AKAIN1: variants seen among roughly 807,000 people sequenced by gnomAD.
AKAIN1 encodes A-kinase anchor inhibitor 1.
Under a neutral mutation model 3.7 loss-of-function variants are expected in AKAIN1, and 3 were observed. That is an observed-to-expected ratio of 0.82 (90% CI 0.37 to 2.12). AKAIN1 has a LOEUF of 2.12. AKAIN1 is among the 30% of genes most tolerant of loss of function. The pLI is 0.06. For missense variants in AKAIN1, 82 were observed against 82.7 expected (o/e 0.99, Z 0.03); for synonymous variants, 31 against 30.8 (o/e 1.01, Z -0.02).
intron 1 of AKAIN1, among the ~76,000 whole-genome samples, chr18:5,177,478 G>C: frequency 6.6e-6 from 1 of 151,424 alleles, no homozygotes; most frequent in Non-Finnish European, 1.5e-5. Flanking sequence ...TTACATACAT[G>C]TTTTCTATTT....
chr18:5,176,088 A>G (rs1380540393), intron 1 of AKAIN1, among the ~76,000 whole-genome samples: 1 of 152,094 alleles, frequency 6.6e-6, no homozygotes, highest in Non-Finnish European at 1.5e-5. Context: ...GAGGAACAAA[A>G]TCACCTCTGG....
chr18:5,192,214 T>C (rs1048116321), intron 1 of AKAIN1, among the ~76,000 whole-genome samples: 1 of 152,086 alleles, frequency 6.6e-6, no homozygotes, highest in Non-Finnish European at 1.5e-5. Context: ...TAAAAATAGA[T>C]GCTCATAAAT....
At chr18:5,153,590 A>C (rs979910197) in intron 1 of AKAIN1, among the ~76,000 whole-genome samples, 2 of 152,238 alleles carry the variant, frequency 1.3e-5, no homozygotes, top group African/African-American at 2.4e-5. Flanking sequence ...CATACAGAAA[A>C]ATAATGAAAG....
At chr18:5,179,593 C>T (rs2071245748) in intron 1 of AKAIN1, among the ~76,000 whole-genome samples, 1 of 151,676 alleles carries the variant, frequency 6.6e-6, no homozygotes, top group East Asian at 1.9e-4. Flanking sequence ...AGGTAGATAC[C>T]CAGTAGTGGG....
chr18:5,180,702 G>A (rs1423714094), intron 1 of AKAIN1, among the ~76,000 whole-genome samples: 2 of 152,078 alleles, frequency 1.3e-5, no homozygotes, highest in Non-Finnish European at 2.9e-5. Flanking sequence ...GTTGGAGAGT[G>A]ATTAAAATCT....
At chr18:5,157,566 C>G (rs2071115249) in intron 1 of AKAIN1, among the ~76,000 whole-genome samples, 1 of 152,078 alleles carries the variant, frequency 6.6e-6, no homozygotes, top group Non-Finnish European at 1.5e-5. Flanking sequence ...CACCCGTCCT[C>G]TCACTTAGCA....
intron 1 of AKAIN1, among the ~76,000 whole-genome samples, chr18:5,172,231 T>C (rs1280920819): frequency 1.3e-5 from 2 of 152,098 alleles, no homozygotes; most frequent in Admixed American, 1.3e-4. Context: ...TGGAGATGGT[T>C]AATGGGTACA....
chr18:5,193,807 T>C (rs1013851011), intron 1 of AKAIN1, among the ~76,000 whole-genome samples: 27 of 152,174 alleles, frequency 1.8e-4, no homozygotes, highest in African/African-American at 6.3e-4. Context: ...GAAATGTTTT[T>C]CCTCCTGAAT....
intron 1 of AKAIN1, chr18:5,163,707 A>C (rs776009630): frequency 1.3e-5 from 2 of 152,060 alleles, no homozygotes; most frequent in Non-Finnish European, 2.9e-5. Context: ...TTCAATACTT[A>C]ATTGGAGTTA....
At chr18:5,163,926 G>A (rs2071153587) in intron 1 of AKAIN1, 2 of 151,994 alleles carry the variant, frequency 1.3e-5, no homozygotes, top group Non-Finnish European at 2.9e-5. Flanking sequence ...ATACTTATGT[G>A]CATCACATCA....
In AKAIN1 at chr18:5,172,426, C is replaced by A. The variant is rs540354982; in HGVS notation, c.16+24612G>T. ...ATCTCATGTAGCCCATAAATATATG[C>A]ACCTGCTATGTACGCACAAAAATTA... is the stretch of plus-strand genomic sequence containing the variant. On this transcript the variant is annotated intron_variant, in intron 1 of 1. Coordinates refer to ENST00000434239, the MANE Select transcript of AKAIN1 (RefSeq NM_001145194.2). 3.9e-5 allele frequency among the ~76,000 whole-genome samples: 6 copies of A among 152,082 alleles called. No individual in the cohort carries two copies. The South Asian group carries it at 1.2e-3, about 32-fold the overall frequency.
chr18:5,146,982 A>T (rs2071053071), intron 1 of AKAIN1, among the ~76,000 whole-genome samples: 1 of 152,296 alleles, frequency 6.6e-6, no homozygotes, highest in East Asian at 1.9e-4. Flanking sequence ...ACAAAATCTT[A>T]ATTTTATTTG....
intron 1 of AKAIN1, among the ~76,000 whole-genome samples, chr18:5,173,409 A>G (rs1187068627): frequency 6.6e-6 from 1 of 152,190 alleles, no homozygotes; most frequent in Non-Finnish European, 1.5e-5. Context: ...TCAAAGCCCA[A>G]CAAGGACAGC....
intron 1 of AKAIN1, among the ~76,000 whole-genome samples, chr18:5,192,444 T>TCTTTCTTC (rs1454053028): frequency 7.0e-6 from 1 of 143,622 alleles, no homozygotes; most frequent in African/African-American, 2.5e-5. Context: ...TTTCTTTCTT[T>TCTTTCTTC]CTTTTTCTTT....
intron 1 of AKAIN1, among the ~76,000 whole-genome samples, chr18:5,177,008 T>TA (rs2071230382): frequency 6.7e-6 from 1 of 150,096 alleles, no homozygotes; most frequent in Non-Finnish European, 1.5e-5. Flanking sequence ...TGCAATGAAA[T>TA]ACAGCAGTTC....
upstream of AKAIN1, chr18:5,197,504 C>CAAAAA (rs10651301): frequency 0.11 from 87,673 of 828,548 alleles, 4,565 homozygotes; most frequent in East Asian, 0.25. This position sits in a 1 kb window ranked among gnomAD's most constrained non-coding sequence, Gnocchi z 6.9. Context: ...ATAGATTTGT[C>CAAAAA]AAAAAAAAAA....
intron 1 of AKAIN1, among the ~76,000 whole-genome samples, chr18:5,174,412 C>T (rs1469620878): frequency 1.3e-5 from 2 of 152,118 alleles, no homozygotes; most frequent in African/African-American, 4.8e-5. Context: ...AGCAAGTTTG[C>T]CCACTTGTAT....
At chr18:5,165,071 C>G (rs1266001253) in intron 1 of AKAIN1, among the ~76,000 whole-genome samples, 2 of 151,918 alleles carry the variant, frequency 1.3e-5, no homozygotes, top group African/African-American at 4.8e-5. Context: ...ATTGGTGTCT[C>G]TCTTATGTTT....
chr18:5,174,266 A>G (rs1329897539), intron 1 of AKAIN1, among the ~76,000 whole-genome samples: 3 of 152,142 alleles, frequency 2.0e-5, no homozygotes, highest in Non-Finnish European at 4.4e-5. Context: ...GAGGCAGTGC[A>G]CATAGAATTC....
Sources: allele counts gnomAD v4.1 joint callset (sites outside exome capture counted in the v4.1 genomes callset), GRCh38; gene constraint gnomAD v4.1.1; non-coding constraint Gnocchi (gnomAD v3.1); transcripts MANE v1.5; gene names NCBI Gene and HGNC (gene_info 2026-07-23, HGNC 2026-07-21).